Variants in GABRB3 observed in about 807,000 individuals in gnomAD.
The protein encoded by GABRB3 is gamma-aminobutyric acid receptor subunit beta-3.
A neutral mutation model predicts 52.1 loss-of-function variants in GABRB3; 14 were observed. That is an observed-to-expected ratio of 0.27 (90% CI 0.18 to 0.42). The LOEUF is 0.42. Among genes scored for constraint, GABRB3 ranks in the 10% least tolerant of loss-of-function variants. GABRB3 has a pLI of 1.00. For synonymous variants in GABRB3, 260 were observed against 232.3 expected, an observed-to-expected ratio of 1.12 and a Z score of -1.08; for missense variants, 307 against 609.1, an observed-to-expected ratio of 0.50 and a Z score of 5.22.
chr15:26,550,394 A>C (rs1333731997), intron 8 of GABRB3, among the ~76,000 whole-genome samples: 1 of 152,208 alleles, frequency 6.6e-6, no homozygotes, highest in East Asian at 1.9e-4. Flanking sequence ...CTTGAAAAAA[A>C]TGCTCAATAT....
intron 4 of GABRB3, among the ~76,000 whole-genome samples, chr15:26,592,894 A>AGT (rs1342258012): frequency 6.6e-6 from 1 of 152,184 alleles, no homozygotes; most frequent in African/African-American, 2.4e-5. Flanking sequence ...ACATGCCTTT[A>AGT]GTCCCAGCTA....
At chr15:26,607,469 G>A (rs1891880148) in intron 4 of GABRB3, among the ~76,000 whole-genome samples, 1 of 152,030 alleles carries the variant, frequency 6.6e-6, no homozygotes, top group Admixed American at 6.6e-5. Flanking sequence ...CTACTATGGA[G>A]CCTGAGGTGG....
chr15:26,760,513 C>T (rs964661045), intron 3 of GABRB3, among the ~76,000 whole-genome samples: 2 of 152,034 alleles, frequency 1.3e-5, no homozygotes, highest in African/African-American at 2.4e-5. Flanking sequence ...GAGGAAATTG[C>T]CTAGATAATT....
Position 26,772,242 on chromosome 15 carries a change from C to T in GABRB3, c.240+160G>A, listed in dbSNP as rs976965669. 4 of 589,716 alleles carry T rather than the reference C, an allele frequency of 6.8e-6. No homozygotes were observed. In the African/African-American group the frequency reaches 8.0e-5, roughly 12 times the overall value. The allele number at this position is 589,716 out of a possible 1,614,324, so 36.5% of individuals were successfully genotyped here. A position where few individuals can be genotyped will look rare whatever the true frequency, so the allele number is the denominator to read the frequency against. On this transcript the variant is annotated intron_variant, in intron 3 of 8. Transcript: ENST00000311550. ...AGCGCCCGGGGCGGGTGCAGGGAGC[C>T]GGGCAAGCGAGGGGCCGGCGCCTGG...
At chr15:26,748,382 C>T (rs1428529115) in intron 3 of GABRB3, among the ~76,000 whole-genome samples, 5 of 152,144 alleles carry the variant, frequency 3.3e-5, no homozygotes, top group Non-Finnish European at 7.3e-5. Context: ...ATTACAAATT[C>T]AATTTCTTTA....
chr15:26,682,712 C>T (rs567940306), intron 3 of GABRB3, among the ~76,000 whole-genome samples: 1 of 152,334 alleles, frequency 6.6e-6, no homozygotes, highest in South Asian at 2.1e-4. Flanking sequence ...GGATTACACT[C>T]CCTCATGCCT....
intron 3 of GABRB3, among the ~76,000 whole-genome samples, chr15:26,742,621 T>A (rs1044971484): frequency 2.6e-5 from 4 of 152,224 alleles, no homozygotes; most frequent in South Asian, 4.1e-4. Flanking sequence ...TAAATCCCCA[T>A]GTATGAATGT....
chr15:26,667,117 G>A (rs1024229364), intron 3 of GABRB3, among the ~76,000 whole-genome samples: 8 of 152,156 alleles, frequency 5.3e-5, no homozygotes, highest in South Asian at 2.1e-4. Flanking sequence ...ACCTCGCTTC[G>A]GTCCCGAACG....
At chr15:26,557,082 G>A (rs1889780782) in intron 8 of GABRB3, among the ~76,000 whole-genome samples, 2 of 152,162 alleles carry the variant, frequency 1.3e-5, no homozygotes, top group African/African-American at 4.8e-5. Flanking sequence ...TATACACCAT[G>A]GAATACTATG....
intron 3 of GABRB3, among the ~76,000 whole-genome samples, chr15:26,711,043 TG>T (rs975070959): frequency 2.0e-5 from 3 of 152,190 alleles, no homozygotes; most frequent in Non-Finnish European, 2.9e-5. Flanking sequence ...TATAATTTTT[TG>T]GTGTTTTCTA....
At chr15:26,757,472 T>G (rs750902242) in intron 3 of GABRB3, among the ~76,000 whole-genome samples, 7 of 152,190 alleles carry the variant, frequency 4.6e-5, no homozygotes, top group Middle Eastern at 3.2e-3. Flanking sequence ...CAAGTCAAAC[T>G]TGCAAAGCTT....
chr15:26,602,186 G>C (rs774997989), intron 4 of GABRB3, among the ~76,000 whole-genome samples: 2 of 152,082 alleles, frequency 1.3e-5, no homozygotes, highest in East Asian at 1.9e-4. Flanking sequence ...TAATAATAAA[G>C]GGGTCAACTT....
chr15:26,615,870 C>T (rs1319499851), intron 4 of GABRB3: 11 of 1,242,906 alleles, frequency 8.9e-6, no homozygotes, highest in South Asian at 1.4e-5. Flanking sequence ...GTGATACAGC[C>T]AGTCCAACCA....
chr15:26,625,383 C>G, intron 3 of GABRB3: 1 of 641,598 alleles, frequency 1.6e-6, no homozygotes, highest in Non-Finnish European at 1.9e-6. Context: ...TAAAAGTATC[C>G]TTTTCTTCAA....
intron 4 of GABRB3, among the ~76,000 whole-genome samples, chr15:26,616,267 G>C (rs1892253018): frequency 6.6e-6 from 1 of 152,150 alleles, no homozygotes; most frequent in African/African-American, 2.4e-5. Flanking sequence ...ATATACAAAT[G>C]GTACTGAAGT....
At chr15:26,654,208 T>C (rs1887290784) in intron 3 of GABRB3, among the ~76,000 whole-genome samples, 3 of 152,196 alleles carry the variant, frequency 2.0e-5, no homozygotes, top group South Asian at 2.1e-4. Context: ...CACAGTGGCG[T>C]GATCTCAGCT....
chr15:26,714,702 C>T (rs1043099597), intron 3 of GABRB3, among the ~76,000 whole-genome samples: 3 of 152,148 alleles, frequency 2.0e-5, no homozygotes, highest in Non-Finnish European at 4.4e-5. Flanking sequence ...CTAAGAAGTT[C>T]GCAGCTTGAC....
At chr15:26,580,555 G>A (rs573679297) in intron 5 of GABRB3, 99 bp from the exon 6 acceptor site, 1 of 1,475,084 alleles carries the variant, frequency 6.8e-7, no homozygotes, top group Admixed American at 1.7e-5. Context: ...GCTCTGCTAT[G>A]TTTTGAGTAG....
intron 3 of GABRB3, among the ~76,000 whole-genome samples, chr15:26,685,532 C>CA (rs1234471464): frequency 1.3e-5 from 2 of 151,446 alleles, no homozygotes; most frequent in Non-Finnish European, 2.9e-5. Context: ...TATACGAGTA[C>CA]AAAAAAATAT....
Sources: gnomAD v4.1 joint callset for allele counts (sites outside exome capture counted in the v4.1 genomes callset) on GRCh38, gnomAD v4.1.1 for gene constraint, MANE v1.5 for transcripts, NCBI Gene and HGNC (gene_info 2026-07-23, HGNC 2026-07-21) for gene names.